Variants in FAM118A observed in about 807,000 individuals in gnomAD.
FAM118A encodes the protein SIR2 antiphage like 2.
A neutral mutation model predicts 38.2 loss-of-function variants in FAM118A; 25 were observed. The observed-to-expected ratio is 0.65, with a 90% CI of 0.48 to 0.91. FAM118A has a LOEUF of 0.91. Among genes scored for constraint, FAM118A ranks in the 40% least tolerant of loss-of-function variants. FAM118A has a pLI of 0.00. For synonymous variants in FAM118A, 178 were observed against 184.1 expected, an observed-to-expected ratio of 0.97 and a Z score of 0.27; for missense variants, 425 against 463.3, an observed-to-expected ratio of 0.92 and a Z score of 0.76.
intron 1 of FAM118A, among the ~76,000 whole-genome samples, chr22:45,317,000 T>G (rs942851696): frequency 1.3e-5 from 2 of 152,236 alleles, no homozygotes; most frequent in African/African-American, 4.8e-5. Context: ...TCTTGCTTCA[T>G]TGTAATCAGA....
At position 45,327,962 on chromosome 22, in the gene FAM118A, G is replaced by C. The variant is rs1490668452; in HGVS notation, c.421G>C (p.Gly141Arg). 1 of 1,613,936 alleles carries C rather than the reference G, an allele frequency of 6.2e-7. No individual in the cohort carries two copies. Among genetic ancestry groups the C allele is most frequent in the Non-Finnish European group, 8.5e-7 (1 of 1,180,020 alleles). ...LQSILSLMDR[G>R]AMVLTTNYDN... ...GTCGATCCTCAGCCTGATGGACAGG[G>C]GCGCCATGGTCCTGACCACCAACTA... The change falls in exon 4 of 9, where the codon GGC (glycine) becomes CGC (arginine). Residue 141 changes from glycine to arginine, a missense_variant. Transcript: ENST00000441876.
intron 8 of FAM118A, among the ~76,000 whole-genome samples, chr22:45,340,001 G>A (rs2086373302): frequency 6.6e-6 from 1 of 152,206 alleles, no homozygotes; most frequent in African/African-American, 2.4e-5. Flanking sequence ...TCCTGCATGT[G>A]GGTGAGAGAA....
intron 1 of FAM118A, among the ~76,000 whole-genome samples, chr22:45,315,911 C>T (rs1007341317): frequency 6.6e-6 from 1 of 152,206 alleles, no homozygotes; most frequent in Non-Finnish European, 1.5e-5. Flanking sequence ...CCCATTTGTG[C>T]CTTGTTTCCA....
chr22:45,338,995 C>T (rs903774399), intron 8 of FAM118A, among the ~76,000 whole-genome samples: 8 of 152,326 alleles, frequency 5.3e-5, no homozygotes, highest in Admixed American at 1.3e-4. Flanking sequence ...GGGGTGGGGG[C>T]GCCCTAGCGT....
intron 1 of FAM118A, among the ~76,000 whole-genome samples, chr22:45,319,524 C>G (rs577507416): frequency 6.6e-6 from 1 of 152,308 alleles, no homozygotes; most frequent in African/African-American, 2.4e-5. Flanking sequence ...CTCAGCAGTT[C>G]CAGCTGCCAG....
chr22:45,335,363 G>T lies in FAM118A; in HGVS notation c.951G>T (p.Val317=), dbSNP rs748056394. ...CKQQSPDADR[V]DSTTLLGNAC... is the part of the protein sequence containing the mutation. ...TTTCTCCTTCAGATGCTGATCGCGT[G>T]GACAGCACCACATTATTGGGTAAAG... The change falls in exon 7 of 9, where the codon GTG becomes GTT. Residue 317 remains valine, a synonymous_variant. Coordinates refer to ENST00000441876, the MANE Select transcript of FAM118A (RefSeq NM_017911.4). The T allele has an allele frequency of 1.6e-4, 255 of 1,614,240 alleles. 3 individuals carry two copies. In the South Asian group the frequency reaches 2.7e-3, roughly 17 times the overall value.
intron 1 of FAM118A, chr22:45,321,465 G>GGAGT (rs1052207814): frequency 6.6e-6 from 1 of 152,052 alleles, no homozygotes; most frequent in Non-Finnish European, 1.5e-5. Context: ...AGGCTGGAGT[G>GGAGT]GAGTGGTGTG....
chr22:45,325,769 C>A (rs1165157487), intron 3 of FAM118A, among the ~76,000 whole-genome samples: 1 of 152,082 alleles, frequency 6.6e-6, no homozygotes, highest in African/African-American at 2.4e-5. Flanking sequence ...ATCATCCAAG[C>A]GGACATGAGA....
chr22:45,338,158 T>C (rs746405547), intron 8 of FAM118A, among the ~76,000 whole-genome samples: 1 of 152,190 alleles, frequency 6.6e-6, no homozygotes, highest in Non-Finnish European at 1.5e-5. Context: ...TTCTCTGTTC[T>C]CCCTTTCTGG....
intron 5 of FAM118A, among the ~76,000 whole-genome samples, chr22:45,331,742 A>G (rs535434778): frequency 6.6e-6 from 1 of 152,290 alleles, no homozygotes; most frequent in South Asian, 2.1e-4. Flanking sequence ...TGCATCATTA[A>G]TACTGCTTGG....
intron 7 of FAM118A, 140 bp from the exon 8 acceptor site, chr22:45,336,188 A>ATGG (rs2086082413): frequency 1.7e-6 from 1 of 587,730 alleles, no homozygotes; most frequent in South Asian, 2.3e-5. Context: ...CTTTGGAGAG[A>ATGG]AGCCGTAGCG....
At chr22:45,311,584 ACCAAAGCATGC>A (rs1439282976) in intron 1 of FAM118A, among the ~76,000 whole-genome samples, 1 of 152,122 alleles carries the variant, frequency 6.6e-6, no homozygotes, top group Non-Finnish European at 1.5e-5. Flanking sequence ...GCCAGTCAGG[ACCAAAGCATGC>A]CCAGTTTAAG....
At chr22:45,322,304 TC>T in intron 1 of FAM118A, 66 bp from the exon 2 acceptor site, 1 of 1,582,048 alleles carries the variant, frequency 6.3e-7, no homozygotes, top group South Asian at 1.1e-5. Flanking sequence ...TTAACTATCT[TC>T]CAGGGTGCAA....
intron 1 of FAM118A, among the ~76,000 whole-genome samples, chr22:45,311,847 C>T (rs1377207428): frequency 6.6e-6 from 1 of 152,012 alleles, no homozygotes; most frequent in African/African-American, 2.4e-5. Context: ...GACTGGTTCC[C>T]GCTCTTTCCT....
intron 1 of FAM118A, among the ~76,000 whole-genome samples, chr22:45,313,936 C>G (rs908100447): frequency 6.6e-6 from 1 of 152,222 alleles, no homozygotes; most frequent in Non-Finnish European, 1.5e-5. Context: ...AGGAAGCACA[C>G]TGTTCCAGGC....
intron 6 of FAM118A, among the ~76,000 whole-genome samples, chr22:45,332,930 A>G (rs973420414): frequency 6.6e-6 from 1 of 151,746 alleles, no homozygotes; most frequent in Non-Finnish European, 1.5e-5. Context: ...TTTAGTAGAG[A>G]TAGGGTTTCA....
At chr22:45,328,467 G>T in intron 4 of FAM118A, 1 of 874,620 alleles carries the variant, frequency 1.1e-6, no homozygotes, top group South Asian at 1.3e-5. Flanking sequence ...CTTTGTAGCA[G>T]TGAATTACTA....
At chr22:45,318,851 A>T (rs1030432790) in intron 1 of FAM118A, 3 of 152,162 alleles carry the variant, frequency 2.0e-5, no homozygotes, top group Non-Finnish European at 4.4e-5. Flanking sequence ...GTTGTGTTTG[A>T]AATACTGTCT....
intron 2 of FAM118A, 72 bp from the exon 3 acceptor site, chr22:45,323,103 A>G (rs2084998300): frequency 3.9e-6 from 6 of 1,550,362 alleles, no homozygotes; most frequent in Non-Finnish European, 5.3e-6. Flanking sequence ...GAACTCGCAG[A>G]CAGTTCCAGA....
Sources: gnomAD v4.1 joint callset for allele counts (sites outside exome capture counted in the v4.1 genomes callset) on GRCh38, gnomAD v4.1.1 for gene constraint, MANE v1.5 for transcripts, NCBI Gene and HGNC (gene_info 2026-07-23, HGNC 2026-07-21) for gene names.